ADAM33: variants seen among roughly 807,000 people sequenced by gnomAD.
ADAM33 encodes the protein ADAM metallopeptidase domain 33, also known as disintegrin and metalloproteinase domain-containing protein 33.
In ADAM33, 103 loss-of-function variants were observed where a neutral mutation model predicts 106.2. The observed-to-expected ratio is 0.97, with a 90% CI of 0.83 to 1.14. The LOEUF is 1.14. Ranked by LOEUF, ADAM33 falls within the 50% of genes most tolerant of loss-of-function variation. The pLI is 0.00. For missense variants in ADAM33, 1,120 were observed against 1,096.6 expected, an observed-to-expected ratio of 1.02 and a Z score of -0.30; for synonymous variants, 483 against 453.0, an observed-to-expected ratio of 1.07 and a Z score of -0.84.
chr20:3,669,691 A>T, intron 19 of ADAM33, 54 bp from the exon 20 acceptor site: 1 of 1,486,188 alleles, frequency 6.7e-7, no homozygotes, highest in Non-Finnish European at 9.2e-7. Context: ...TGAGTGGGTT[A>T]TTGCCTCCCC....
In ADAM33 at chr20:3,674,635, C is replaced by T. The variant is rs926209596; in HGVS notation, c.469G>A (p.Gly157Ser). Residue 157 changes from glycine (G) to serine (S), a missense_variant, in exon 6 of 22, where the codon GGC (glycine) becomes AGC (serine). Physicochemically the swap from Gly to Ser is moderately conservative, Grantham distance 56. Transcript: ENST00000356518. ...TCGTGGGTTGAGAAGTCCTTGGAGCCCCGGGGTGGCCAGGGACGCAGATAA... is the reference window on the plus strand; with the variant it reads ...TCGTGGGTTGAGAAGTCCTTGGAGCTCCGGGGTGGCCAGGGACGCAGATAA... ...SYYLRPWPPR[G>S]SKDFSTHEIF... 1.9e-6 allele frequency: 3 copies of T among 1,612,602 alleles called. No homozygotes were observed. The African/African-American group carries it at 4.0e-5, about 22-fold the overall frequency.
At position 3,675,506 on chromosome 20, in the gene ADAM33, C is replaced by T. The variant is rs1211817465; in HGVS notation, c.255-401G>A. 2.0e-5 allele frequency among the ~76,000 whole-genome samples: 3 copies of T among 152,082 alleles called. No homozygotes were observed. The highest frequency in any genetic ancestry group is 4.4e-5 in the Non-Finnish European group (3 of 68,006). The stretch of plus-strand genomic sequence containing the variant: ...AATGCGGTGACCTCCCCCAGTTCCC[C>T]TGCCTGCTGCCCTCCTTTGTTGGGC... On this transcript the variant is annotated intron_variant, in intron 3 of 21. Transcript: ENST00000356518. The surrounding 1 kb of genome is among the most constrained non-coding windows in gnomAD (Gnocchi z 4.1).
chr20:3,679,645 G>T (rs2088302430), intron 1 of ADAM33, 74 bp from the exon 2 acceptor site: 2 of 1,370,292 alleles, frequency 1.5e-6, no homozygotes, highest in South Asian at 1.3e-5. Context: ...AGAGGGAGGG[G>T]GGTAGAGGAC....
In ADAM33 at chr20:3,669,299, C is replaced by T. The variant is rs1232973480; in HGVS notation, c.2404G>A (p.Ala802Thr). The change falls in exon 21 of 22, where the codon GCA becomes ACA. Residue 802 changes from alanine (A) to threonine (T), a missense_variant and splice_region_variant. By Grantham distance (58) the Ala-to-Thr change is moderately conservative. Transcript: ENST00000356518. ...GCTTTGAATCCAGGTCCCTGCCTAC[C>T]TTGGGGGTCAGGCGAGACTGCTGGC... ...PLPAVSPDPQ[A>T]DQVQMPRSCL... The T allele has an allele frequency of 6.3e-7, 1 of 1,586,634 alleles. No individual in the cohort carries two copies. Among genetic ancestry groups the T allele is most frequent in the East Asian group, 2.2e-5 (1 of 44,698 alleles).
intron 1 of ADAM33, among the ~76,000 whole-genome samples, chr20:3,680,381 C>T (rs897034295): frequency 2.0e-5 from 3 of 152,182 alleles, no homozygotes. Context: ...GACAGCCTCC[C>T]CCCTCCACGC....
Position 3,669,348 on chromosome 20 carries a change from G to A in ADAM33, c.2355C>T (p.Pro785=). ...GCAGAGGCTTCTCAGGGTGGCTGCT[G>A]GGCTCATGAGAGTTCTCAGGGTCTG... ...WPLDPENSHE[P]SSHPEKPLPA... is the part of the protein sequence containing the mutation. The change falls in exon 21 of 22, where the codon CCC becomes CCT. Residue 785 remains proline (P), a synonymous_variant. Transcript: ENST00000356518. 1 of 1,604,176 alleles carries A rather than the reference G, an allele frequency of 6.2e-7. No homozygotes were observed. Among genetic ancestry groups the A allele is most frequent in the Non-Finnish European group, 8.5e-7 (1 of 1,177,548 alleles).
chr20:3,676,117 C>T (rs892323087), intron 3 of ADAM33, among the ~76,000 whole-genome samples: 1 of 152,240 alleles, frequency 6.6e-6, no homozygotes, highest in Non-Finnish European at 1.5e-5. Flanking sequence ...GTGATATATA[C>T]TGATAACATA....
intron 2 of ADAM33, 138 bp from the exon 3 acceptor site, chr20:3,677,281 ATAC>A: frequency 1.6e-6 from 1 of 642,592 alleles, no homozygotes; most frequent in South Asian, 2.1e-5. Context: ...GACCCCCCAC[ATAC>A]TATGGAGGGC....
Position 3,677,127 on chromosome 20 carries a change from A to T in ADAM33, c.194T>A (p.Met65Lys). The change falls in exon 3 of 22, where the codon ATG (methionine) becomes AAG (lysine). Residue 65 changes from methionine to lysine, a missense_variant. Coordinates refer to ENST00000356518, the MANE Select transcript of ADAM33 (RefSeq NM_025220.5). ...TTCAGCCTCCAGGGCCACCAGCCCCATGTCTGGCTTCGAGACCTGGGCAAG... is the reference window on the plus strand; with the variant it reads ...TTCAGCCTCCAGGGCCACCAGCCCCTTGTCTGGCTTCGAGACCTGGGCAAG... ...SLEEPVSKPD[M>K]GLVALEAEGQ... 6.2e-7 allele frequency: 1 copy of T among 1,610,492 alleles called. No individual in the cohort carries two copies.
rs2087526995 is a variant in ADAM33, at chr20:3,671,424, G to T, written c.1978C>A (p.His660Asn). The change falls in exon 17 of 22, where the codon CAC (histidine) becomes AAC (asparagine). Residue 660 changes from histidine to asparagine, a missense_variant. Physicochemically the swap from His to Asn is moderately conservative, Grantham distance 68 (BLOSUM62 1). Coordinates refer to ENST00000356518, the MANE Select transcript of ADAM33 (RefSeq NM_025220.5). ...CCCACTCCTCGGGCTCTCACCCCGT[G>T]GCTGTGGCAGGCAGTCAGGCAGCGC... Reference protein sequence around the residue: ...LQRCLTACHSHGVCNSNHNCH... With the variant: ...LQRCLTACHSNGVCNSNHNCH... 1 of 1,612,446 alleles carries T rather than the reference G, an allele frequency of 6.2e-7. No homozygotes were observed. The highest frequency in any genetic ancestry group is 8.5e-7 in the Non-Finnish European group (1 of 1,179,214).
At position 3,674,244 on chromosome 20, in the gene ADAM33, A is replaced by T; in HGVS notation, c.641T>A (p.Leu214Gln). 1 of 1,614,034 alleles carries T rather than the reference A, an allele frequency of 6.2e-7. No homozygotes were observed. The highest frequency in any genetic ancestry group is 8.5e-7 in the Non-Finnish European group (1 of 1,180,016). ...EARRTRKYLE[L>Q]YIVADHTLFL... is the part of the protein sequence containing the mutation. Reference sequence around the variant, plus strand: ...CAGGGTGTGGTCTGCCACAATGTACAGTTCCAGGTACTTCCGGGTCCTGCG... The same window carrying T: ...CAGGGTGTGGTCTGCCACAATGTACTGTTCCAGGTACTTCCGGGTCCTGCG... Residue 214 changes from leucine to glutamine, a missense_variant, in exon 7 of 22, where the codon CTG becomes CAG. Leu to Gln is a moderately radical substitution (Grantham distance 113). Transcript: ENST00000356518.
In ADAM33 at chr20:3,674,755, T is replaced by G; in HGVS notation, c.410+18A>C. The G allele has an allele frequency of 6.3e-7, 1 of 1,599,172 alleles. No individual in the cohort carries two copies. The highest frequency in any genetic ancestry group is 1.1e-5 in the South Asian group (1 of 88,694). ...CTCTTTCCCCATCCCAGGCCCAGCCTCCTCTCCCAGAGCTCACCTCATCCC... is the reference window on the plus strand; with the variant it reads ...CTCTTTCCCCATCCCAGGCCCAGCCGCCTCTCCCAGAGCTCACCTCATCCC... On this transcript the variant is annotated intron_variant, in intron 5 of 21. Transcript: ENST00000356518.
rs752258854 is a variant in ADAM33, at chr20:3,679,584, C to T, written c.98-13G>A. The stretch of plus-strand genomic sequence containing the variant: ...CCAGGGATATGTCCTGGAGTAAAGA[C>T]AGAGCACAGGGTGAGGGGGACCTGA... On this transcript the variant is annotated splice_polypyrimidine_tract_variant and intron_variant, in intron 1 of 21. Transcript: ENST00000356518. 6 of 1,601,384 alleles carry T rather than the reference C, an allele frequency of 3.7e-6. No homozygotes were observed. The South Asian group carries it at 5.6e-5, about 15-fold the overall frequency.
Position 3,672,904 on chromosome 20 carries a change from G to C in ADAM33, c.1134-6C>G, listed in dbSNP as rs780612505. On this transcript the variant is annotated splice_region_variant and splice_polypyrimidine_tract_variant and intron_variant, in intron 11 of 21. Coordinates refer to ENST00000356518, the MANE Select transcript of ADAM33 (RefSeq NM_025220.5). ...ACACGCGCGGAAACGGGTGCCTACC[G>C]GCACGGGGAGGGCATTGGGCATGGA... is the stretch of plus-strand genomic sequence containing the variant. 6.4e-7 allele frequency: 1 copy of C among 1,558,136 alleles called. No individual in the cohort carries two copies. Among genetic ancestry groups the C allele is most frequent in the Non-Finnish European group, 8.6e-7 (1 of 1,161,864 alleles).
intron 2 of ADAM33, among the ~76,000 whole-genome samples, chr20:3,678,191 C>A (rs2088143465): frequency 6.6e-6 from 1 of 152,266 alleles, no homozygotes; most frequent in African/African-American, 2.4e-5. Flanking sequence ...CTCTGCAGCC[C>A]CTGCTATCTT....
chr20:3,669,345 G>T lies in ADAM33; in HGVS notation c.2358C>A (p.Ser786Arg). 6.2e-7 allele frequency: 1 copy of T among 1,604,432 alleles called. No homozygotes were observed. The highest frequency in any genetic ancestry group is 8.5e-7 in the Non-Finnish European group (1 of 1,177,606). Residue 786 changes from serine (S) to arginine (R), a missense_variant, in exon 21 of 22, where the codon AGC becomes AGA. Physicochemically the swap from Ser to Arg is moderately radical, Grantham distance 110. Transcript: ENST00000356518. ...CTGGCAGAGGCTTCTCAGGGTGGCT[G>T]CTGGGCTCATGAGAGTTCTCAGGGT... ...PLDPENSHEP[S>R]SHPEKPLPAV...
chr20:3,668,764 C>G lies in ADAM33; in HGVS notation c.*199G>C. On this transcript the variant is annotated 3_prime_UTR_variant, in exon 22 of 22. Transcript: ENST00000356518. ...TGGAGAGTGTGCCCAGCAGTGTTCT[C>G]CAGCCCTCAGGAACTTCTAATGTGG... 1 of 651,874 alleles carries G rather than the reference C, an allele frequency of 1.5e-6. No individual in the cohort carries two copies. Among genetic ancestry groups the G allele is most frequent in the Non-Finnish European group, 2.8e-6 (1 of 363,070 alleles). The allele number at this position is 651,874 out of a possible 1,614,324, so 40.4% of individuals were successfully genotyped here.
chr20:3,668,887 C>T lies in ADAM33; in HGVS notation c.*76G>A, dbSNP rs55798864. 4.7e-5 allele frequency: 73 copies of T among 1,537,404 alleles called. No individual in the cohort carries two copies. In the East Asian group the frequency reaches 1.3e-3, roughly 27 times the overall value. Reference sequence around the variant, plus strand: ...GAGGTCCGGTGATTCACTGGCTCTGCCCCTGCAGTTCAAGTTCCTGGAGTG... The same window carrying T: ...GAGGTCCGGTGATTCACTGGCTCTGTCCCTGCAGTTCAAGTTCCTGGAGTG... On this transcript the variant is annotated 3_prime_UTR_variant, in exon 22 of 22. Coordinates refer to ENST00000356518, the MANE Select transcript of ADAM33 (RefSeq NM_025220.5).
chr20:3,678,762 G>T (rs41511951), intron 2 of ADAM33, among the ~76,000 whole-genome samples: 2,839 of 152,362 alleles, frequency 0.019, 32 homozygotes, highest in Non-Finnish European at 0.026. Context: ...TGTGACCATG[G>T]ACAATTTCCC....
Sources: allele counts gnomAD v4.1 joint callset (sites outside exome capture counted in the v4.1 genomes callset), GRCh38; gene constraint gnomAD v4.1.1; non-coding constraint Gnocchi (gnomAD v3.1); transcripts MANE v1.5; gene names NCBI Gene and HGNC (gene_info 2026-07-23, HGNC 2026-07-21).